Variants in AMY2B observed in about 807,000 individuals in gnomAD.
AMY2B encodes alpha-amylase 2B.
In AMY2B, 63 loss-of-function variants were observed where a neutral mutation model predicts 59.3. That is an observed-to-expected ratio of 1.06 (90% CI 0.87 to 1.31). AMY2B has a LOEUF of 1.31. Ranked by LOEUF, AMY2B falls within the 50% of genes most tolerant of loss-of-function variation. The pLI, the probability that AMY2B is intolerant of heterozygous loss-of-function variation, is 0.00. For missense variants in AMY2B, 635 were observed against 626.7 expected (o/e 1.01, Z -0.14); for synonymous variants, 180 against 198.1 (o/e 0.91, Z 0.77).
intron 4 of AMY2B, 133 bp from the exon 5 acceptor site, chr1:103,574,123 AAAAG>A (rs1242261495): frequency 1.0e-5 from 15 of 1,477,084 alleles, no homozygotes; most frequent in Non-Finnish European, 1.4e-5. Flanking sequence ...AAACAAGACA[AAAAG>A]AAATAATAAA....
At chr1:103,555,968 A>G (rs956331530) in intron 1 of AMY2B, among the ~76,000 whole-genome samples, 4 of 152,306 alleles carry the variant, frequency 2.6e-5, no homozygotes, top group African/African-American at 7.2e-5. Flanking sequence ...AAAGATAGGC[A>G]CACAAACAGC....
rs776893049 is a variant in AMY2B, at chr1:103,574,259, G to A, written c.745-1G>A. ...GTTACTTTTTCCTAATTTTCTACTAGGTAATTGATCTGGGTGGTGAGCCAA... is the reference window on the plus strand; with the variant it reads ...GTTACTTTTTCCTAATTTTCTACTAAGTAATTGATCTGGGTGGTGAGCCAA... On this transcript the variant is annotated splice_acceptor_variant, in intron 4 of 9. Coordinates refer to ENST00000684275, the MANE Select transcript of AMY2B (RefSeq NM_001387437.1). LOFTEE classifies it high-confidence loss of function. The A allele has an allele frequency of 4.3e-6, 7 of 1,611,578 alleles. No individual in the cohort carries two copies. The highest frequency in any genetic ancestry group is 5.9e-6 in the Non-Finnish European group (7 of 1,179,668).
chr1:103,570,559 C>T, upstream of AMY2B: 1 of 602,996 alleles, frequency 1.7e-6, no homozygotes, highest in South Asian at 1.4e-5. Context: ...CACAAGTACT[C>T]CGTGTGGATC....
rs1422940126 is a variant in AMY2B, at chr1:103,575,329, A to C, written c.985A>C (p.Thr329Pro). 2 of 1,613,540 alleles carry C rather than the reference A, an allele frequency of 1.2e-6. No homozygotes were observed. Among genetic ancestry groups the C allele is most frequent in the Non-Finnish European group, 1.7e-6 (2 of 1,179,666 alleles). ...GHGAGGASILTFWDARLYKMA... is the reference protein window; with the variant it reads ...GHGAGGASILPFWDARLYKMA... Reference sequence around the variant, plus strand: ...TGGGGCTGGAGGAGCCTCTATTCTTACCTTCTGGGATGCTAGGTAGAAAAC... The same window carrying C: ...TGGGGCTGGAGGAGCCTCTATTCTTCCCTTCTGGGATGCTAGGTAGAAAAC... The change falls in exon 6 of 10, where the codon ACC (threonine) becomes CCC (proline). Residue 329 changes from threonine to proline, a missense_variant. Physicochemically the swap from Thr to Pro is conservative, Grantham distance 38 (BLOSUM62 -1). Transcript: ENST00000684275.
chr1:103,557,094 C>T (rs1347567896), intron 1 of AMY2B, among the ~76,000 whole-genome samples: 2 of 151,838 alleles, frequency 1.3e-5, no homozygotes, highest in Non-Finnish European at 2.9e-5. Flanking sequence ...TGAAAACAAA[C>T]GGTATATAGA....
At chr1:103,566,162 A>G (rs564193954) in intron 2 of AMY2B, among the ~76,000 whole-genome samples, 2 of 152,246 alleles carry the variant, frequency 1.3e-5, no homozygotes, top group South Asian at 2.1e-4. Flanking sequence ...TGTCAAACCC[A>G]TTCTTCAAGT....
At chr1:103,571,937 T>G (rs1251358670) in intron 1 of AMY2B, among the ~76,000 whole-genome samples, 167 bp downstream of exon 1, 1 of 152,234 alleles carries the variant, frequency 6.6e-6, no homozygotes, top group Admixed American at 6.5e-5. Flanking sequence ...CTTTATATTT[T>G]GTTTCTGAGA....
rs1488957030 is a variant in AMY2B at position 103,575,306 on chromosome 1, G to T, written c.962G>T (p.Gly321Val). Residue 321 changes from glycine (G) to valine (V), a missense_variant, in exon 6 of 10, where the codon GGG becomes GTG. By Grantham distance (109) the Gly-to-Val change is moderately radical. Transcript: ENST00000684275. ...AACCATGACAATCAACGAGGACATGGGGCTGGAGGAGCCTCTATTCTTACC... is the reference window on the plus strand; with the variant it reads ...AACCATGACAATCAACGAGGACATGTGGCTGGAGGAGCCTCTATTCTTACC... ...VDNHDNQRGH[G>V]AGGASILTFW... The T allele has an allele frequency of 6.2e-7, 1 of 1,613,588 alleles. No homozygotes were observed. Among genetic ancestry groups the T allele is most frequent in the East Asian group, 2.2e-5 (1 of 44,856 alleles).
rs748012161 is a variant in AMY2B at position 103,574,378 on chromosome 1, A to G, written c.863A>G (p.Lys288Arg). The part of the protein sequence containing the change: ...GTVIRKWNGE[K>R]MSYLKNWGEG... ...GTTATTCGCAAGTGGAATGGAGAGA[A>G]GATGTCTTACCTAAAGTAAATAAAT... The change falls in exon 5 of 10, where the codon AAG becomes AGG. Residue 288 changes from lysine to arginine, a missense_variant. Transcript: ENST00000684275. 1 of 1,611,678 alleles carries G rather than the reference A, an allele frequency of 6.2e-7. No individual in the cohort carries two copies. The highest frequency in any genetic ancestry group is 2.3e-4 in the Middle Eastern group (1 of 4,428).
chr1:103,556,388 G>T (rs2101058079), intron 1 of AMY2B, among the ~76,000 whole-genome samples: 1 of 152,210 alleles, frequency 6.6e-6, no homozygotes. Flanking sequence ...AAGTAATCTG[G>T]GTTAAGGAGT....
In AMY2B at chr1:103,574,398, A is replaced by G. The variant is rs1322251043; in HGVS notation, c.878+5A>G. The G allele has an allele frequency of 6.2e-7, 1 of 1,611,154 alleles. No homozygotes were observed. The highest frequency in any genetic ancestry group is 1.1e-5 in the South Asian group (1 of 90,988). On this transcript the variant is annotated splice_donor_5th_base_variant and intron_variant, in intron 5 of 9. Transcript: ENST00000684275. ...AGAGAAGATGTCTTACCTAAAGTAA[A>G]TAAATACAACTTTTCCCCTGAAGTA...
chr1:103,559,916 C>T (rs1334637301), intron 1 of AMY2B, among the ~76,000 whole-genome samples: 2 of 152,046 alleles, frequency 1.3e-5, no homozygotes, highest in Non-Finnish European at 1.5e-5. Context: ...AGTTTCACTA[C>T]GTTTAGTCTA....
intron 5 of AMY2B, among the ~76,000 whole-genome samples, chr1:103,574,614 G>C (rs547224445): frequency 1.2e-4 from 18 of 152,086 alleles, no homozygotes; most frequent in African/African-American, 4.3e-4. Flanking sequence ...TATCCTAGGA[G>C]TTTCCGTCTA....
upstream of AMY2B, chr1:103,570,710 G>A: frequency 1.8e-6 from 1 of 546,660 alleles, no homozygotes; most frequent in South Asian, 1.4e-5. Flanking sequence ...ATTGCTTCAT[G>A]GGTTAATTCA....
intron 1 of AMY2B, among the ~76,000 whole-genome samples, chr1:103,559,016 A>G (rs1651651880): frequency 6.6e-6 from 1 of 152,216 alleles, no homozygotes; most frequent in Non-Finnish European, 1.5e-5. Flanking sequence ...TAAAAGTTAC[A>G]TGCAAATACT....
chr1:103,577,656 G>A, intron 8 of AMY2B, 48 bp downstream of exon 8: 1 of 1,611,852 alleles, frequency 6.2e-7, no homozygotes, highest in Non-Finnish European at 8.5e-7. Flanking sequence ...ACTTTCCATT[G>A]CATTTTATTT....
chr1:103,557,096 G>T (rs1217597951), intron 1 of AMY2B, among the ~76,000 whole-genome samples: 2 of 151,792 alleles, frequency 1.3e-5, no homozygotes, highest in Non-Finnish European at 2.9e-5. Context: ...AAAACAAACG[G>T]TATATAGAGC....
At chr1:103,575,767 A>G in intron 7 of AMY2B, 2 of 558,964 alleles carry the variant, frequency 3.6e-6, no homozygotes, top group East Asian at 4.1e-5. Context: ...ACATCCCCCT[A>G]GCCCACAGGA....
chr1:103,565,819 ATT>A (rs1284581615), intron 2 of AMY2B, among the ~76,000 whole-genome samples: 1 of 152,090 alleles, frequency 6.6e-6, no homozygotes, highest in East Asian at 1.9e-4. Context: ...CACTTCCCTA[ATT>A]TTCATTCTTA....
Sources: allele counts gnomAD v4.1 joint callset (sites outside exome capture counted in the v4.1 genomes callset), GRCh38; gene constraint gnomAD v4.1.1; transcripts MANE v1.5; gene names NCBI Gene and HGNC (gene_info 2026-07-23, HGNC 2026-07-21).